Variants in LRRC7 observed in about 807,000 individuals in gnomAD.
LRRC7 encodes leucine-rich repeat-containing protein 7.
In LRRC7, 23 loss-of-function variants were observed where a neutral mutation model predicts 175.7. The ratio of observed to expected loss-of-function variants is 0.13; its 90% confidence interval spans 0.09 to 0.19. The LOEUF (loss-of-function observed/expected upper bound fraction) is 0.19. Among genes scored for constraint, LRRC7 ranks in the 10% least tolerant of loss-of-function variants. LRRC7 has a pLI of 1.00. For missense variants in LRRC7, 1,354 were observed against 1,904.7 expected, an observed-to-expected ratio of 0.71 and a Z score of 5.38; for synonymous variants, 685 against 680.9, an observed-to-expected ratio of 1.01 and a Z score of -0.09.
At chr1:70,087,478 T>G (rs1663701068) in intron 24 of LRRC7, among the ~76,000 whole-genome samples, 1 of 152,154 alleles carries the variant, frequency 6.6e-6, no homozygotes, top group East Asian at 1.9e-4. Context: ...TTGGTTGCTT[T>G]CTTCTCATTT....
intron 8 of LRRC7, among the ~76,000 whole-genome samples, chr1:69,957,276 T>G (rs982561766): frequency 6.6e-6 from 1 of 151,830 alleles, no homozygotes; most frequent in Non-Finnish European, 1.5e-5. Flanking sequence ...TAATGAAGTA[T>G]TTTTCTACCA....
At chr1:69,629,309 C>G (rs1287874585) in intron 1 of LRRC7, among the ~76,000 whole-genome samples, 1 of 152,018 alleles carries the variant, frequency 6.6e-6, no homozygotes, top group Non-Finnish European at 1.5e-5. Flanking sequence ...TGGACAGATA[C>G]CACTTTGGCA....
intron 3 of LRRC7, among the ~76,000 whole-genome samples, chr1:69,762,599 G>C (rs1425535030): frequency 1.3e-5 from 2 of 151,896 alleles, no homozygotes; most frequent in African/African-American, 4.8e-5. Flanking sequence ...TATGTAGGGA[G>C]ACTGGGGGAG....
intron 8 of LRRC7, among the ~76,000 whole-genome samples, chr1:69,937,562 T>C (rs1212382053): frequency 2.0e-5 from 3 of 152,086 alleles, no homozygotes; most frequent in Non-Finnish European, 4.4e-5. Flanking sequence ...GCTTGGAATT[T>C]GTAAAAATCT....
intron 7 of LRRC7, among the ~76,000 whole-genome samples, chr1:69,860,428 C>A (rs889116195): frequency 6.6e-6 from 1 of 151,826 alleles, no homozygotes; most frequent in African/African-American, 2.4e-5. Flanking sequence ...TTGCACAACC[C>A]TTAAAGGTGG....
At chr1:69,999,922 G>A (rs1259366311) in intron 11 of LRRC7, among the ~76,000 whole-genome samples, 1 of 152,122 alleles carries the variant, frequency 6.6e-6, no homozygotes, top group Non-Finnish European at 1.5e-5. Flanking sequence ...AGACTTACTG[G>A]CACACTGTGC....
rs550559107 is a variant in LRRC7, at chr1:69,932,032, T to A, written c.711+462T>A. ...ACCAATGGCATTCTGGTTCTTACTA[T>A]ATTGAAAGCGTCTTTCTAGTGAACC... On this transcript the variant is annotated intron_variant, in intron 8 of 26. Transcript: ENST00000651989. Among the ~76,000 whole-genome samples the A allele has an allele frequency of 7.7e-4, 117 of 152,332 alleles. No individual in the cohort carries two copies. The South Asian group carries it at 0.023, about 31-fold the overall frequency.
chr1:69,858,743 A>G (rs1684009950), intron 7 of LRRC7, among the ~76,000 whole-genome samples: 1 of 152,120 alleles, frequency 6.6e-6, no homozygotes, highest in African/African-American at 2.4e-5. Flanking sequence ...ATGAGTCATA[A>G]GATATTTGCT....
chr1:70,012,349 T>G (rs1346680770), intron 12 of LRRC7, among the ~76,000 whole-genome samples: 1 of 151,904 alleles, frequency 6.6e-6, no homozygotes, highest in Non-Finnish European at 1.5e-5. Context: ...CACCAAGAGA[T>G]TCTGTTAATT....
At chr1:69,608,399 A>G (rs1195430400) in intron 1 of LRRC7, 2 of 152,000 alleles carry the variant, frequency 1.3e-5, no homozygotes, top group African/African-American at 4.8e-5. Context: ...CTATGGCATC[A>G]TCTCCAGTCA....
At chr1:69,934,144 C>T (rs941515262) in intron 8 of LRRC7, among the ~76,000 whole-genome samples, 9 of 152,086 alleles carry the variant, frequency 5.9e-5, no homozygotes, top group African/African-American at 1.9e-4. Context: ...CCTCTAGAAA[C>T]AATGTCATGT....
chr1:69,626,976 A>T (rs1379965493), intron 1 of LRRC7, among the ~76,000 whole-genome samples: 13 of 152,030 alleles, frequency 8.6e-5, no homozygotes, highest in Non-Finnish European at 1.9e-4. Flanking sequence ...TCTATCACTG[A>T]TGGACATTTG....
intron 7 of LRRC7, among the ~76,000 whole-genome samples, chr1:69,870,182 C>T (rs927145889): frequency 6.6e-6 from 1 of 152,056 alleles, no homozygotes; most frequent in African/African-American, 2.4e-5. Flanking sequence ...AGGTTTAGTA[C>T]ATTGCCTACA....
intron 1 of LRRC7, among the ~76,000 whole-genome samples, chr1:69,587,235 G>A (rs1241251910): frequency 6.6e-6 from 1 of 152,030 alleles, no homozygotes; most frequent in Non-Finnish European, 1.5e-5. Flanking sequence ...ATGAGCATAT[G>A]CTTTTTCTTC....
chr1:69,786,942 A>G (rs111473815), intron 3 of LRRC7, among the ~76,000 whole-genome samples: 10,163 of 152,264 alleles, frequency 0.067, 369 homozygotes, highest in South Asian at 0.11. Context: ...AAAAGTCCAC[A>G]GTACAAAGTC....
chr1:69,919,569 G>T, intron 7 of LRRC7: 1 of 800,282 alleles, frequency 1.2e-6, no homozygotes, highest in Non-Finnish European at 2.1e-6. Context: ...CCCTCGACCT[G>T]GCGGCAGGAA....
intron 2 of LRRC7, among the ~76,000 whole-genome samples, chr1:69,701,997 C>A (rs1374351850): frequency 6.6e-6 from 1 of 152,190 alleles, no homozygotes; most frequent in Non-Finnish European, 1.5e-5. Context: ...TTTTTAAATT[C>A]TGTTTTTAAG....
At chr1:69,712,342 G>A (rs181159981) in intron 2 of LRRC7, among the ~76,000 whole-genome samples, 18 of 152,192 alleles carry the variant, frequency 1.2e-4, no homozygotes, top group Admixed American at 1.0e-3. Context: ...CAGTGGCTAC[G>A]CCTGTAATCC....
intron 26 of LRRC7, among the ~76,000 whole-genome samples, chr1:70,113,727 CAA>C (rs201499631): frequency 0.048 from 6,800 of 142,092 alleles, 404 homozygotes; most frequent in African/African-American, 0.14. Context: ...GACATATCTT[CAA>C]AAAAAAAAAA....
Sources: gnomAD v4.1 joint callset for allele counts (sites outside exome capture counted in the v4.1 genomes callset) on GRCh38, gnomAD v4.1.1 for gene constraint, MANE v1.5 for transcripts, NCBI Gene and HGNC (gene_info 2026-07-23, HGNC 2026-07-21) for gene names.